GINM1: variants seen among roughly 807,000 people sequenced by gnomAD.
The protein encoded by GINM1 is glycosylated integral membrane protein 1.
In GINM1, 29 loss-of-function variants were observed where a neutral mutation model predicts 37.8. That is an observed-to-expected ratio of 0.77 (90% CI 0.57 to 1.05). GINM1 has a LOEUF of 1.05. Ranked by LOEUF, GINM1 falls within the 50% of genes least tolerant of loss-of-function variation. The pLI is 0.00. For synonymous variants in GINM1, 143 were observed against 146.2 expected, an observed-to-expected ratio of 0.98 and a Z score of 0.16; for missense variants, 377 against 397.9, an observed-to-expected ratio of 0.95 and a Z score of 0.45.
chr6:149,566,580 C>T lies in GINM1; in HGVS notation c.120+46C>T. The T allele has an allele frequency of 6.9e-7, 1 of 1,446,258 alleles. No individual in the cohort carries two copies. Among genetic ancestry groups the T allele is most frequent in the Non-Finnish European group, 9.1e-7 (1 of 1,100,456 alleles). The allele number at this position is 1,446,258 out of a possible 1,614,324, so 89.6% of individuals were successfully genotyped here. Reference sequence around the variant, plus strand: ...CTGGCCGCTTTACGACTCCGACTCTCCGGGAGGCCCGGGCTGTCCACAGTG... The same window carrying T: ...CTGGCCGCTTTACGACTCCGACTCTTCGGGAGGCCCGGGCTGTCCACAGTG... On this transcript the variant is annotated intron_variant, in intron 1 of 7. Transcript: ENST00000367419. The surrounding 1 kb of genome is among the most constrained non-coding windows in gnomAD (Gnocchi z 4.4).
intron 1 of GINM1, among the ~76,000 whole-genome samples, chr6:149,571,675 A>G (rs1777824422): frequency 6.6e-6 from 1 of 152,124 alleles, no homozygotes; most frequent in African/African-American, 2.4e-5. Flanking sequence ...TAGGGGTAAT[A>G]TTTTATATTT....
intron 1 of GINM1, among the ~76,000 whole-genome samples, chr6:149,567,898 A>G (rs188374036): frequency 2.0e-5 from 3 of 152,356 alleles, no homozygotes; most frequent in Non-Finnish European, 4.4e-5. Flanking sequence ...GGAAATACGG[A>G]CATTATTTTC....
At chr6:149,575,791 T>C (rs1316233830) in intron 3 of GINM1, among the ~76,000 whole-genome samples, 2 of 152,184 alleles carry the variant, frequency 1.3e-5, no homozygotes, top group Non-Finnish European at 2.9e-5. Context: ...AATAATTCTT[T>C]TGTTGTTGTA....
chr6:149,572,622 TTTCC>T lies in GINM1; in HGVS notation c.277+20_277+23del. ...TTGATAGGTGAGTATTACTAAATTA[TTTCC>T]ATAATTGCTCTGTTTTTTGTGTGTT... On this transcript the variant is annotated intron_variant, in intron 3 of 7. Coordinates refer to ENST00000367419, the MANE Select transcript of GINM1 (RefSeq NM_138785.5). The T allele has an allele frequency of 3.1e-6, 4 of 1,286,268 alleles. No individual in the cohort carries two copies. The highest frequency in any genetic ancestry group is 4.5e-6 in the Non-Finnish European group (4 of 885,260). 79.7% of individuals were successfully genotyped at this position (1,286,268 alleles called of 1,614,324 possible). A position where few individuals can be genotyped will look rare whatever the true frequency, so the allele number is the denominator to read the frequency against.
intron 1 of GINM1, among the ~76,000 whole-genome samples, chr6:149,569,501 G>T (rs940664097): frequency 2.7e-5 from 4 of 147,482 alleles, no homozygotes; most frequent in Non-Finnish European, 5.9e-5. Context: ...ACCATGCCTG[G>T]CTAATTTTTG....
In GINM1 at chr6:149,572,586, G is replaced by A. The variant is rs1469745270; in HGVS notation, c.260G>A (p.Ser87Asn). The change falls in exon 3 of 8, where the codon AGC becomes AAC. Residue 87 changes from serine (S) to asparagine (N), a missense_variant. Physicochemically the swap from Ser to Asn is conservative, Grantham distance 46 (BLOSUM62 1). Transcript: ENST00000367419. Reference sequence around the variant, plus strand: ...GTAAATAGTGGTGTAACCCGAATAAGCTGTCAGACTTTGATAGGTGAGTAT... The same window carrying A: ...GTAAATAGTGGTGTAACCCGAATAAACTGTCAGACTTTGATAGGTGAGTAT... Reference protein sequence around the residue: ...LPVNSGVTRISCQTLIVKNEN... With the variant: ...LPVNSGVTRINCQTLIVKNEN... The A allele has an allele frequency of 1.3e-6, 2 of 1,586,286 alleles. No individual in the cohort carries two copies. Among genetic ancestry groups the A allele is most frequent in the Non-Finnish European group, 1.7e-6 (2 of 1,155,610 alleles).
At chr6:149,570,139 TATATATATATATATATATATA>T (rs1562269770) in intron 1 of GINM1, among the ~76,000 whole-genome samples, 30 of 2,792 alleles carry the variant, frequency 0.011, no homozygotes, top group Admixed American at 0.014. Flanking sequence ...GTAGGTTTTA[TATATATATATATATATATATA>T]TATATATATA....
intron 3 of GINM1, among the ~76,000 whole-genome samples, chr6:149,575,688 G>A (rs940151103): frequency 3.9e-5 from 6 of 152,166 alleles, no homozygotes; most frequent in Non-Finnish European, 8.8e-5. Context: ...ATCTTTTCTA[G>A]CAGTTCTTTG....
At chr6:149,580,509 C>T in intron 5 of GINM1, 84 bp from the exon 6 acceptor site, 1 of 1,224,558 alleles carries the variant, frequency 8.2e-7, no homozygotes, top group Non-Finnish European at 1.1e-6. Flanking sequence ...TTCTTACTAT[C>T]CTAAATGCTA....
chr6:149,583,280 T>A (rs1384159835), intron 7 of GINM1, among the ~76,000 whole-genome samples: 1 of 152,042 alleles, frequency 6.6e-6, no homozygotes, highest in Admixed American at 6.6e-5. Flanking sequence ...CTGGCCAATA[T>A]GATGAAACCC....
At chr6:149,582,286 A>G (rs1490477986) in intron 6 of GINM1, 154 bp from the exon 7 acceptor site, 7 of 658,510 alleles carry the variant, frequency 1.1e-5, no homozygotes, top group South Asian at 7.3e-5. Flanking sequence ...TAAAATATAC[A>G]ATTAGTTTTG....
intron 3 of GINM1, chr6:149,576,086 TG>T (rs1316092624): frequency 6.6e-6 from 1 of 152,208 alleles, no homozygotes; most frequent in Non-Finnish European, 1.5e-5. Context: ...TCATAGTTTC[TG>T]TAGGTCGAGA....
intron 7 of GINM1, among the ~76,000 whole-genome samples, chr6:149,589,953 T>G (rs1441775381): frequency 1.3e-5 from 2 of 152,070 alleles, no homozygotes; most frequent in Non-Finnish European, 2.9e-5. Flanking sequence ...ACTGCATGTG[T>G]CCCATGCCCA....
chr6:149,582,714 G>C, intron 7 of GINM1, 111 bp downstream of exon 7: 1 of 745,410 alleles, frequency 1.3e-6, no homozygotes, highest in Non-Finnish European at 2.0e-6. Flanking sequence ...TAAGACAAAT[G>C]GGAGGGAAAA....
intron 3 of GINM1, among the ~76,000 whole-genome samples, chr6:149,575,156 T>G (rs1028154966): frequency 6.6e-6 from 1 of 152,198 alleles, no homozygotes; most frequent in Non-Finnish European, 1.5e-5. Flanking sequence ...AGTTCCAAAA[T>G]TCTTTCTTCT....
intron 1 of GINM1, among the ~76,000 whole-genome samples, chr6:149,571,729 AT>A (rs1204908180): frequency 2.0e-5 from 3 of 152,106 alleles, no homozygotes; most frequent in African/African-American, 7.2e-5. Flanking sequence ...TTTAAACTCT[AT>A]ATTTGCATAT....
chr6:149,582,601 C>T lies in GINM1; in HGVS notation c.879C>T (p.Tyr293=). 1 of 1,554,488 alleles carries T rather than the reference C, an allele frequency of 6.4e-7. No homozygotes were observed. The highest frequency in any genetic ancestry group is 1.2e-5 in the South Asian group (1 of 82,444). Residue 293 remains tyrosine, a splice_region_variant and synonymous_variant, in exon 7 of 8, where the codon TAC becomes TAT. Transcript: ENST00000367419. ...ILKVFFPVSE[Y]KGILQLDKVD... is the part of the protein sequence containing the mutation. ...AGGTGTTTTTCCCAGTTTCTGAATA[C>T]AAGTAAGTATTTCTTATTTTTGAAA...
chr6:149,579,789 T>A, intron 4 of GINM1, 45 bp from the exon 5 acceptor site: 1 of 1,247,496 alleles, frequency 8.0e-7, no homozygotes, highest in Non-Finnish European at 1.1e-6. Flanking sequence ...TTTATGGGGC[T>A]GTGCTACTAT....
intron 1 of GINM1, among the ~76,000 whole-genome samples, chr6:149,568,811 A>C (rs1380670987): frequency 1.3e-5 from 2 of 152,074 alleles, no homozygotes; most frequent in Non-Finnish European, 2.9e-5. Flanking sequence ...ACAAGATTGC[A>C]CATAAGATTG....
Sources: allele counts gnomAD v4.1 joint callset (sites outside exome capture counted in the v4.1 genomes callset), GRCh38; gene constraint gnomAD v4.1.1; non-coding constraint Gnocchi (gnomAD v3.1); transcripts MANE v1.5; gene names NCBI Gene and HGNC (gene_info 2026-07-23, HGNC 2026-07-21).